The following ABL2 variants were observed in gnomAD, a reference collection of about 807,000 sequenced individuals.
ABL2 encodes the protein ABL proto-oncogene 2, non-receptor tyrosine kinase.
A neutral mutation model predicts 107.7 loss-of-function variants in ABL2; 49 were observed. That is an observed-to-expected ratio of 0.45 (90% CI 0.36 to 0.58). The LOEUF is 0.58. ABL2 is among the 20% of genes least tolerant of loss of function. ABL2 has a pLI of 0.00. For synonymous variants in ABL2, 549 were observed against 548.6 expected (o/e 1.00, Z -0.01); for missense variants, 1,245 against 1,457.0 (o/e 0.85, Z 2.37).
At chr1:179,118,098 A>G (rs1654830826) in intron 7 of ABL2, among the ~76,000 whole-genome samples, 1 of 151,864 alleles carries the variant, frequency 6.6e-6, no homozygotes, top group African/African-American at 2.4e-5. Flanking sequence ...GGGTGCAGTA[A>G]GCTAAGATCG....
chr1:179,171,975 G>T (rs762691229), intron 1 of ABL2, among the ~76,000 whole-genome samples: 1 of 151,896 alleles, frequency 6.6e-6, no homozygotes, highest in Non-Finnish European at 1.5e-5. Flanking sequence ...ATTTCCCCAA[G>T]AACAAAAGGG....
Position 179,109,077 on chromosome 1 carries a change from G to A in ABL2, c.2190C>T (p.Asp730=), listed in dbSNP as rs28913888. The change falls in exon 12 of 12, where the codon GAC becomes GAT. Residue 730 remains aspartate, a synonymous_variant. Coordinates refer to ENST00000502732, the MANE Select transcript of ABL2 (RefSeq NM_007314.4). ...CACTGCCCCCACCCCCACCACCGTC[G>A]TCATTACAGAGGTTCCTCTGTGCAA... ...GSFAQRNLCN[D]DGGGGGGSGT... 144 of 1,375,912 alleles carry A rather than the reference G, an allele frequency of 1.0e-4. 1 individual carries two copies. In the East Asian group the frequency reaches 2.8e-3, roughly 26 times the overall value. 85.2% of individuals were successfully genotyped at this position (1,375,912 alleles called of 1,614,324 possible). A position where few individuals can be genotyped will look rare whatever the true frequency, so the allele number is the denominator to read the frequency against.
At chr1:179,137,422 TTATAAA>T (rs1359289594) in intron 1 of ABL2, among the ~76,000 whole-genome samples, 1 of 152,102 alleles carries the variant, frequency 6.6e-6, no homozygotes, top group Non-Finnish European at 1.5e-5. Flanking sequence ...TAATCCACAC[TTATAAA>T]TATATATATA....
chr1:179,102,897 A>G lies in ABL2; in HGVS notation c.*4821T>C, dbSNP rs1424814758. ...TCATTTATAACTGGTAGGAAATCCT[A>G]GAAAAGTAATTCCCAAAGTGCACTG... On this transcript the variant is annotated 3_prime_UTR_variant, in exon 12 of 12. Transcript: ENST00000502732. The G allele has an allele frequency of 4.4e-6, 1 of 226,422 alleles. No homozygotes were observed. Among genetic ancestry groups the G allele is most frequent in the Non-Finnish European group, 8.8e-6 (1 of 113,866 alleles). The allele number at this position is 226,422 out of a possible 1,614,324, so 14.0% of individuals were successfully genotyped here. A position where few individuals can be genotyped will look rare whatever the true frequency, so the allele number is the denominator to read the frequency against.
chr1:179,130,351 T>C (rs1490951895), intron 3 of ABL2, among the ~76,000 whole-genome samples: 2 of 152,248 alleles, frequency 1.3e-5, no homozygotes, highest in Non-Finnish European at 2.9e-5. Context: ...CATTCATTAC[T>C]AGTCCACAGT....
At chr1:179,110,966 GTTA>G (rs1042503958) in intron 10 of ABL2, 32 of 780,324 alleles carry the variant, frequency 4.1e-5, no homozygotes, top group South Asian at 3.1e-4. Flanking sequence ...AAAATTTGAT[GTTA>G]TTATTTTTGG....
At chr1:179,111,563 G>C (rs1654083779) in intron 10 of ABL2, among the ~76,000 whole-genome samples, 1 of 152,080 alleles carries the variant, frequency 6.6e-6, no homozygotes, top group African/African-American at 2.4e-5. Context: ...TGGGATTGCA[G>C]GTGTGAGCTG....
At chr1:179,128,717 C>T (rs2102653825) in intron 3 of ABL2, among the ~76,000 whole-genome samples, 1 of 152,310 alleles carries the variant, frequency 6.6e-6, no homozygotes, top group South Asian at 2.1e-4. Flanking sequence ...ACAGGTCTCC[C>T]TCTGTCGCCA....
At chr1:179,169,229 CACT>C in intron 1 of ABL2, among the ~76,000 whole-genome samples, 1 of 152,086 alleles carries the variant, frequency 6.6e-6, no homozygotes, top group Middle Eastern at 3.2e-3. Flanking sequence ...GGCATACCAC[CACT>C]ATGAGAAACA....
At chr1:179,168,909 CA>C (rs1229599756) in intron 1 of ABL2, among the ~76,000 whole-genome samples, 6 of 152,080 alleles carry the variant, frequency 3.9e-5, no homozygotes, top group African/African-American at 1.4e-4. Context: ...TAAATAATGC[CA>C]AAAATATCCG....
chr1:179,229,406 T>C lies in ABL2; in HGVS notation c.-9A>G, dbSNP rs770322459. The C allele has an allele frequency of 6.6e-7, 1 of 1,505,064 alleles. No homozygotes were observed. The allele number at this position is 1,505,064 out of a possible 1,614,324, so 93.2% of individuals were successfully genotyped here. On this transcript the variant is annotated 5_prime_UTR_variant, in exon 1 of 12. Transcript: ENST00000502732. Reference sequence around the variant, plus strand: ...CCCACCTGCTGCCCCATCCCTGCTCTCGCGTACTCCCGCGCCCCCGCCGAC... The same window carrying C: ...CCCACCTGCTGCCCCATCCCTGCTCCCGCGTACTCCCGCGCCCCCGCCGAC...
rs1426015098 is a variant in ABL2 at position 179,108,316 on chromosome 1, G to T, written c.2951C>A (p.Pro984Gln). The T allele has an allele frequency of 1.9e-6, 3 of 1,614,192 alleles. No individual in the cohort carries two copies. The highest frequency in any genetic ancestry group is 2.5e-6 in the Non-Finnish European group (3 of 1,180,040). The change falls in exon 12 of 12, where the codon CCA (proline) becomes CAA (glutamine). Residue 984 changes from proline (P) to glutamine (Q), a missense_variant. Pro to Gln is a moderately conservative substitution (Grantham distance 76). Around this residue, in one of 3 missense-constraint regions of ABL2, gnomAD observed 761 missense variants for 766.4 expected, o/e 0.99. Coordinates refer to ENST00000502732, the MANE Select transcript of ABL2 (RefSeq NM_007314.4). ...RPRRVKPKCAPPPPPVMRLLQ... is the reference protein window; with the variant it reads ...RPRRVKPKCAQPPPPVMRLLQ... ...TAGTCTCATCACTGGTGGTGGGGGT[G>T]GGGCACACTTTGGTTTTACCCGTCG...
intron 1 of ABL2, among the ~76,000 whole-genome samples, chr1:179,217,625 CAAA>C (rs544339454): frequency 5.9e-5 from 6 of 102,130 alleles, no homozygotes; most frequent in African/African-American, 3.8e-5. Context: ...GACTCCACCT[CAAA>C]AAAAAAAAAA....
At chr1:179,193,519 T>G (rs973591998) in intron 1 of ABL2, among the ~76,000 whole-genome samples, 5 of 151,756 alleles carry the variant, frequency 3.3e-5, no homozygotes, top group Non-Finnish European at 4.4e-5. Context: ...ATTCTCCTGC[T>G]TCAGCCTCCC....
chr1:179,107,762 A>G lies in ABL2; in HGVS notation c.3505T>C (p.Leu1169=), dbSNP rs1170733398. The change falls in exon 12 of 12, where the codon TTA becomes CTA. Residue 1169 remains leucine (L), a synonymous_variant. Transcript: ENST00000502732. Reference sequence around the variant, plus strand: ...CTGATTTCCTGTACACATGACAATAAGTTATTAAGGACAGGGTTTGTCCCG... The same window carrying G: ...CTGATTTCCTGTACACATGACAATAGGTTATTAAGGACAGGGTTTGTCCCG... ...VPGTNPVLNN[L]LSCVQEISDV... is the part of the protein sequence containing the mutation. 1.9e-6 allele frequency: 3 copies of G among 1,614,052 alleles called. No individual in the cohort carries two copies. The highest frequency in any genetic ancestry group is 2.5e-6 in the Non-Finnish European group (3 of 1,179,924).
chr1:179,130,775 C>T (rs999155549), intron 3 of ABL2, among the ~76,000 whole-genome samples: 4 of 148,386 alleles, frequency 2.7e-5, no homozygotes, highest in East Asian at 2.0e-4. Flanking sequence ...TACGCACACA[C>T]GCATGCAAAG....
chr1:179,138,589 A>G (rs1176984950), intron 1 of ABL2, among the ~76,000 whole-genome samples: 1 of 152,120 alleles, frequency 6.6e-6, no homozygotes, highest in Non-Finnish European at 1.5e-5. Context: ...TGAATTCCCC[A>G]TTTCAGTTAA....
At chr1:179,141,918 G>T (rs1412648798) in intron 1 of ABL2, among the ~76,000 whole-genome samples, 1 of 152,222 alleles carries the variant, frequency 6.6e-6, no homozygotes, top group African/African-American at 2.4e-5. Flanking sequence ...GGGGGAACAA[G>T]ATAAGGGATA....
rs990144837 is a variant in ABL2, at chr1:179,136,456, T to C, written c.158-3082A>G. Reference sequence around the variant, plus strand: ...AACATGTGCTGCATCCACTCAGGGTTGAATGGATTAAGGGCGGTGCAAGAT... The same window carrying C: ...AACATGTGCTGCATCCACTCAGGGTCGAATGGATTAAGGGCGGTGCAAGAT... On this transcript the variant is annotated intron_variant, in intron 1 of 11. Coordinates refer to ENST00000502732, the MANE Select transcript of ABL2 (RefSeq NM_007314.4). 7.9e-5 allele frequency among the ~76,000 whole-genome samples: 12 copies of C among 152,094 alleles called. No homozygotes were observed. The South Asian group carries it at 1.0e-3, about 13-fold the overall frequency.
Sources: gnomAD v4.1 joint callset for allele counts (sites outside exome capture counted in the v4.1 genomes callset) on GRCh38, gnomAD v4.1.1 for gene constraint, gnomAD v4.1.1 regional missense constraint, MANE v1.5 for transcripts, NCBI Gene and HGNC (gene_info 2026-07-23, HGNC 2026-07-21) for gene names.